The following HROB variants were observed in gnomAD, a reference collection of about 807,000 sequenced individuals.
HROB encodes homologous recombination factor with OB-fold, also known as homologous recombination OB-fold protein.
A neutral mutation model predicts 61.0 loss-of-function variants in HROB; 44 were observed. The ratio of observed to expected loss-of-function variants is 0.72; its 90% CI spans 0.57 to 0.93. The LOEUF is 0.93. Among genes scored for constraint, HROB ranks in the 40% least tolerant of loss-of-function variants. HROB has a pLI of 0.00. For synonymous variants in HROB, 301 were observed against 310.4 expected, an observed-to-expected ratio of 0.97 and a Z score of 0.32; for missense variants, 716 against 796.2, an observed-to-expected ratio of 0.90 and a Z score of 1.21.
chr17:44,146,462 T>G (rs545531232), intron 2 of HROB, among the ~76,000 whole-genome samples: 2 of 152,304 alleles, frequency 1.3e-5, no homozygotes, highest in African/African-American at 4.8e-5. Flanking sequence ...AAAGTGACTG[T>G]TAAAATGACC....
At position 44,148,508 on chromosome 17, in the gene HROB, A is replaced by G. The variant is rs1199216070; in HGVS notation, c.705A>G (p.Gln235=). 7 of 1,613,950 alleles carry G rather than the reference A, an allele frequency of 4.3e-6. No individual in the cohort carries two copies. The highest frequency in any genetic ancestry group is 1.3e-5 in the African/African-American group (1 of 74,878). The part of the protein sequence containing the change: ...AQDESLDPVI[Q]CRTPRPPLRP... ...ATGAGTCTCTAGATCCTGTCATCCA[A>G]TGTAGGACTCCACGACCCCCCTTGA... The change falls in exon 3 of 10, where the codon CAA becomes CAG. Residue 235 remains glutamine, a synonymous_variant. Transcript: ENST00000585683.
At chr17:44,142,210 T>A in intron 1 of HROB, 65 bp downstream of exon 1, 2 of 1,433,578 alleles carry the variant, frequency 1.4e-6, no homozygotes, top group Non-Finnish European at 1.8e-6. Flanking sequence ...GAACTGCTCA[T>A]GGGGTTCCAG....
intron 2 of HROB, among the ~76,000 whole-genome samples, chr17:44,145,765 A>G (rs764601662): frequency 2.0e-5 from 3 of 152,214 alleles, no homozygotes. Context: ...GTGAGACTAG[A>G]TCCAAAGCTC....
At chr17:44,154,246 G>A in intron 5 of HROB, 1 of 269,604 alleles carries the variant, frequency 3.7e-6, no homozygotes, top group Non-Finnish European at 7.3e-6. Context: ...GGAGCCTGAG[G>A]CAGGAGAATC....
At chr17:44,154,146 A>G (rs570182399) in intron 5 of HROB, among the ~76,000 whole-genome samples, 2 of 152,210 alleles carry the variant, frequency 1.3e-5, no homozygotes, top group Admixed American at 6.5e-5. Context: ...GTTCAAGACA[A>G]GCCTGGCCAA....
rs551307440 is a variant in HROB at position 44,148,913 on chromosome 17, C to A, written c.1110C>A (p.Asn370Lys). The A allele has an allele frequency of 1.9e-6, 3 of 1,614,180 alleles. No homozygotes were observed. In the African/African-American group the frequency reaches 4.0e-5, roughly 22 times the overall value. ...CTCTGCAGACACCCATAGTCACCAA[C>A]CACCTGGTGCAGCTAGTCACTGCTG... ...QGALQTPIVT[N>K]HLVQLVTAAS... The change falls in exon 3 of 10, where the codon AAC becomes AAA. Residue 370 changes from asparagine to lysine, a missense_variant. Coordinates refer to ENST00000585683, the MANE Select transcript of HROB (RefSeq NM_001171251.3).
chr17:44,161,797 C>T, intron 9 of HROB, 74 bp from the exon 10 acceptor site: 3 of 1,529,964 alleles, frequency 2.0e-6, no homozygotes, highest in Non-Finnish European at 2.7e-6. Context: ...TCCTGAAGGG[C>T]AGAAACTTTG....
chr17:44,161,825 A>T, intron 9 of HROB, 46 bp from the exon 10 acceptor site: 1 of 1,591,318 alleles, frequency 6.3e-7, no homozygotes, highest in African/African-American at 1.3e-5. Context: ...GTCACATGGA[A>T]TGCTGATGTT....
At position 44,147,854 on chromosome 17, in the gene HROB, G is replaced by T; in HGVS notation, c.55-4G>T. The T allele has an allele frequency of 6.2e-7, 1 of 1,607,824 alleles. No homozygotes were observed. On this transcript the variant is annotated splice_region_variant and splice_polypyrimidine_tract_variant and intron_variant, in intron 2 of 9. Coordinates refer to ENST00000585683, the MANE Select transcript of HROB (RefSeq NM_001171251.3). The stretch of plus-strand genomic sequence containing the variant: ...CAAGACCTACCATCTCTGCTTCCTT[G>T]TAGGATTTCTTGTCTGCTGTGGAGG...
chr17:44,159,244 G>A (rs2054060557), intron 9 of HROB, among the ~76,000 whole-genome samples: 3 of 152,250 alleles, frequency 2.0e-5, no homozygotes, highest in South Asian at 4.1e-4. Context: ...AATAAGAAAA[G>A]TTATACTAGA....
chr17:44,162,102 C>T lies in HROB; in HGVS notation c.*170C>T, dbSNP rs138702981. On this transcript the variant is annotated 3_prime_UTR_variant, in exon 10 of 10. Coordinates refer to ENST00000585683, the MANE Select transcript of HROB (RefSeq NM_001171251.3). ...TTCCCTGAGAGCCCCCTCATCTCTGCGCTGCCCTCACTTTGGGCCTTCCTT... is the reference window on the plus strand; with the variant it reads ...TTCCCTGAGAGCCCCCTCATCTCTGTGCTGCCCTCACTTTGGGCCTTCCTT... 1.2e-3 allele frequency: 786 copies of T among 639,760 alleles called. 4 individuals carry two copies. Among genetic ancestry groups the T allele is most frequent in the African/African-American group, 0.012 (655 of 53,828 alleles). The allele number at this position is 639,760 out of a possible 1,614,324, so 39.6% of individuals were successfully genotyped here. A position where few individuals can be genotyped will look rare whatever the true frequency, so the allele number is the denominator to read the frequency against.
At position 44,161,861 on chromosome 17, in the gene HROB, C is replaced by T; in HGVS notation, c.1880-10C>T. 6.2e-7 allele frequency: 1 copy of T among 1,613,660 alleles called. No individual in the cohort carries two copies. The highest frequency in any genetic ancestry group is 8.5e-7 in the Non-Finnish European group (1 of 1,179,588). ...GTCACTAAGGCTACCCATCATTCCCCTCTCTGTAGATGACCTGGATGGACT... is the reference window on the plus strand; with the variant it reads ...GTCACTAAGGCTACCCATCATTCCCTTCTCTGTAGATGACCTGGATGGACT... On this transcript the variant is annotated splice_polypyrimidine_tract_variant and intron_variant, in intron 9 of 9. Transcript: ENST00000585683.
chr17:44,153,172 C>T (rs907128700), intron 5 of HROB, among the ~76,000 whole-genome samples: 19 of 152,096 alleles, frequency 1.2e-4, no homozygotes, highest in Non-Finnish European at 2.4e-4. Flanking sequence ...AAGTGCTGGA[C>T]ACAGTGGCTC....
chr17:44,154,309 C>G (rs2053905320), intron 5 of HROB: 1 of 437,956 alleles, frequency 2.3e-6, no homozygotes, highest in Non-Finnish European at 4.2e-6. Context: ...GCCATTGCAC[C>G]CAGCCTGGGA....
In HROB at chr17:44,155,363, G is replaced by T. The variant is rs147545443; in HGVS notation, c.1722G>T (p.Pro574=). 14 of 1,614,000 alleles carry T rather than the reference G, an allele frequency of 8.7e-6. No homozygotes were observed. The highest frequency in any genetic ancestry group is 1.2e-5 in the Non-Finnish European group (14 of 1,180,036). The change falls in exon 8 of 10, where the codon CCG becomes CCT. Residue 574 remains proline (P), a synonymous_variant. Coordinates refer to ENST00000585683, the MANE Select transcript of HROB (RefSeq NM_001171251.3). ...TPNNLVHIYS[P]DSGDGSFLKP... is the part of the protein sequence containing the mutation. ...ACAACCTGGTCCATATTTACAGCCC[G>T]GATTCTGGGGATGGGAGCTTCCTCA...
intron 2 of HROB, among the ~76,000 whole-genome samples, chr17:44,146,745 TTAA>T (rs1279119125): frequency 3.3e-5 from 5 of 152,172 alleles, no homozygotes; most frequent in Non-Finnish European, 4.4e-5. Context: ...TGGGACTCAC[TTAA>T]TAATACACAA....
Position 44,162,382 on chromosome 17 carries a change from T to C in HROB, c.*450T>C. 1 of 167,898 alleles carries C rather than the reference T, an allele frequency of 6.0e-6. No individual in the cohort carries two copies. The highest frequency in any genetic ancestry group is 1.3e-5 in the Non-Finnish European group (1 of 78,022). The allele number at this position is 167,898 out of a possible 1,614,324, so 10.4% of individuals were successfully genotyped here. On this transcript the variant is annotated 3_prime_UTR_variant, in exon 10 of 10. Coordinates refer to ENST00000585683, the MANE Select transcript of HROB (RefSeq NM_001171251.3). ...TTCCTCTGCTTTGTCTCTTCAGACC[T>C]GTGGTTGCTCTGCTCATCCATGCCC...
rs961167118 is a variant in HROB, at chr17:44,155,452, CCTT to C, written c.1770+44_1770+46del. Reference sequence around the variant, plus strand: ...AGAAACGGGAGACTGGTAAGGCCCTCCTTCTGCCTGGATCTTCTGATTTCTTCC... The same window carrying C: ...AGAAACGGGAGACTGGTAAGGCCCTCCTGCCTGGATCTTCTGATTTCTTCC... On this transcript the variant is annotated intron_variant, in intron 8 of 9. Transcript: ENST00000585683. 7 of 1,607,962 alleles carry C rather than the reference CCTT, an allele frequency of 4.4e-6. No homozygotes were observed. The African/African-American group carries it at 5.4e-5, about 12-fold the overall frequency.
intron 9 of HROB, 59 bp from the exon 10 acceptor site, chr17:44,161,812 T>G: frequency 1.3e-6 from 2 of 1,577,488 alleles, no homozygotes; most frequent in Non-Finnish European, 1.7e-6. Flanking sequence ...ACTTTGGACC[T>G]GAGTCACATG....
Sources: gnomAD v4.1 joint callset for allele counts (sites outside exome capture counted in the v4.1 genomes callset) on GRCh38, gnomAD v4.1.1 for gene constraint, MANE v1.5 for transcripts, NCBI Gene and HGNC (gene_info 2026-07-23, HGNC 2026-07-21) for gene names.